The following GALNTL6 variants were observed in gnomAD, a reference collection of about 807,000 sequenced individuals.
GALNTL6 encodes polypeptide N-acetylgalactosaminyltransferase like 6, also known as polypeptide N-acetylgalactosaminyltransferase-like 6.
Under a neutral mutation model 73.7 loss-of-function variants are expected in GALNTL6, and 46 were observed. The observed-to-expected ratio is 0.62, with a 90% CI of 0.49 to 0.80. The LOEUF is 0.80. GALNTL6 is among the 30% of genes least tolerant of loss of function. The pLI is 0.00. For synonymous variants in GALNTL6, 259 were observed against 263.7 expected (o/e 0.98, Z 0.17); for missense variants, 604 against 755.0 (o/e 0.80, Z 2.34).
intron 10 of GALNTL6, among the ~76,000 whole-genome samples, chr4:172,965,629 A>C (rs75969174): frequency 1.3e-4 from 15 of 116,354 alleles, no homozygotes; most frequent in African/African-American, 2.5e-4. Flanking sequence ...AAAAAAAAAA[A>C]AACAATTTTA....
At chr4:172,189,778 G>T (rs1735518995) in intron 2 of GALNTL6, among the ~76,000 whole-genome samples, 1 of 151,900 alleles carries the variant, frequency 6.6e-6, no homozygotes. Context: ...TATGCAGTTT[G>T]TCTGTTTCCT....
intron 5 of GALNTL6, among the ~76,000 whole-genome samples, chr4:172,474,161 C>G (rs1186089413): frequency 6.6e-6 from 1 of 152,126 alleles, no homozygotes; most frequent in African/African-American, 2.4e-5. Context: ...GCCTAGAGTG[C>G]TCTTTTCTCA....
intron 5 of GALNTL6, among the ~76,000 whole-genome samples, chr4:172,493,344 GA>G (rs1165776075): frequency 6.6e-6 from 1 of 152,150 alleles, no homozygotes; most frequent in Non-Finnish European, 1.5e-5. Context: ...AGTTTAAACA[GA>G]CACTGTCTTG....
At chr4:172,839,814 T>C (rs1560985992) in intron 7 of GALNTL6, among the ~76,000 whole-genome samples, 1 of 152,226 alleles carries the variant, frequency 6.6e-6, no homozygotes, top group South Asian at 2.1e-4. Context: ...TTTTCCTCTT[T>C]TGAAAACAGG....
chr4:172,838,644 A>G (rs899456064), intron 7 of GALNTL6, among the ~76,000 whole-genome samples: 3 of 152,200 alleles, frequency 2.0e-5, no homozygotes. Flanking sequence ...GGGAAACGAA[A>G]CAGGTGCAAA....
chr4:172,547,454 C>T (rs999709543), intron 5 of GALNTL6, among the ~76,000 whole-genome samples: 2 of 152,118 alleles, frequency 1.3e-5, no homozygotes, highest in African/African-American at 4.8e-5. Context: ...GCCACAGGCA[C>T]ACTCCCAAAG....
chr4:172,093,616 C>G (rs527846741), intron 2 of GALNTL6, among the ~76,000 whole-genome samples: 47 of 152,290 alleles, frequency 3.1e-4, no homozygotes, highest in African/African-American at 1.0e-3. Context: ...CTTACAGCCA[C>G]TCCCCTTCAC....
At chr4:172,601,867 A>C (rs35640087) in intron 5 of GALNTL6, among the ~76,000 whole-genome samples, 74,313 of 151,294 alleles carry the variant, frequency 0.49, 19,668 homozygotes, top group East Asian at 0.74. Context: ...TGTTAAAGCA[A>C]AAATCCAAGA....
intron 3 of GALNTL6, among the ~76,000 whole-genome samples, chr4:172,293,093 T>C (rs1739526591): frequency 6.6e-6 from 1 of 152,190 alleles, no homozygotes; most frequent in South Asian, 2.1e-4. Flanking sequence ...TTATAAAACT[T>C]TCATGAGTTG....
At chr4:172,387,490 T>C (rs1204174617) in intron 5 of GALNTL6, among the ~76,000 whole-genome samples, 2 of 152,160 alleles carry the variant, frequency 1.3e-5, no homozygotes, top group Non-Finnish European at 2.9e-5. Flanking sequence ...TCCTTTTGGA[T>C]TAGAAGTCAA....
chr4:172,206,807 T>TTG (rs201771177), intron 2 of GALNTL6, among the ~76,000 whole-genome samples: 853 of 14,904 alleles, frequency 0.057, 126 homozygotes, highest in East Asian at 0.082. Context: ...GTTTTTCTGT[T>TTG]TTTTTTGTTT....
At chr4:171,951,482 C>A (rs1313687757) in intron 2 of GALNTL6, among the ~76,000 whole-genome samples, 2 of 151,810 alleles carry the variant, frequency 1.3e-5, no homozygotes, top group Non-Finnish European at 2.9e-5. Flanking sequence ...TAGTTCTCAG[C>A]AAGTAAGAGA....
At chr4:172,320,711 C>A (rs903102331) in intron 4 of GALNTL6, among the ~76,000 whole-genome samples, 2 of 151,838 alleles carry the variant, frequency 1.3e-5, no homozygotes, top group Admixed American at 1.3e-4. Context: ...CAGTTTATAT[C>A]CCAGGGCACT....
chr4:172,335,986 C>A lies in GALNTL6; in HGVS notation c.387-12537C>A, dbSNP rs557144609. Among the ~76,000 whole-genome samples the A allele has an allele frequency of 3.3e-5, 5 of 152,144 alleles. No homozygotes were observed. In the South Asian group the frequency reaches 8.3e-4, roughly 25 times the overall value. ...GTTATTTATTTTCTTCCACTTGCTTCACGGTTATTTTGTTTTTGTTTTGTT... is the reference window on the plus strand; with the variant it reads ...GTTATTTATTTTCTTCCACTTGCTTAACGGTTATTTTGTTTTTGTTTTGTT... On this transcript the variant is annotated intron_variant, in intron 4 of 12. Transcript: ENST00000506823.
At chr4:171,997,205 C>T (rs180903944) in intron 2 of GALNTL6, among the ~76,000 whole-genome samples, 36 of 152,182 alleles carry the variant, frequency 2.4e-4, no homozygotes, top group Non-Finnish European at 1.5e-5. Flanking sequence ...TAGAGCAAAC[C>T]ATGCTTTGTT....
intron 2 of GALNTL6, among the ~76,000 whole-genome samples, chr4:171,850,000 G>C (rs962085483): frequency 6.6e-6 from 1 of 152,180 alleles, no homozygotes; most frequent in African/African-American, 2.4e-5. Flanking sequence ...GAGTCTCACT[G>C]CCATGCCCAG....
chr4:172,808,104 T>A (rs1741075626), intron 5 of GALNTL6, among the ~76,000 whole-genome samples: 1 of 152,224 alleles, frequency 6.6e-6, no homozygotes, highest in African/African-American at 2.4e-5. Flanking sequence ...ATTACAGGCA[T>A]GAGCCACCAT....
chr4:172,046,686 A>C (rs771598452), intron 2 of GALNTL6, among the ~76,000 whole-genome samples: 26 of 152,200 alleles, frequency 1.7e-4, no homozygotes, highest in South Asian at 1.0e-3. Context: ...AGGAATGTCT[A>C]TTCAGGCCCC....
intron 5 of GALNTL6, among the ~76,000 whole-genome samples, chr4:172,679,938 T>A (rs1223559686): frequency 6.6e-6 from 1 of 152,198 alleles, no homozygotes; most frequent in Non-Finnish European, 1.5e-5. Flanking sequence ...ATTACTTTTT[T>A]TTTTCATTTT....
Sources: allele counts gnomAD v4.1 joint callset (sites outside exome capture counted in the v4.1 genomes callset), GRCh38; gene constraint gnomAD v4.1.1; transcripts MANE v1.5; gene names NCBI Gene and HGNC (gene_info 2026-07-23, HGNC 2026-07-21).